Variants in SACS observed in about 807,000 individuals in gnomAD.
The protein encoded by SACS is sacsin.
SACS carries 197 observed loss-of-function variants against 348.0 expected under a neutral mutation model. The ratio of observed to expected loss-of-function variants is 0.57; its 90% confidence interval spans 0.50 to 0.64. The LOEUF (loss-of-function observed/expected upper bound fraction) is 0.64. Among genes scored for constraint, SACS ranks in the 30% least tolerant of loss-of-function variants. The pLI, the probability that SACS is intolerant of heterozygous loss-of-function variation, is 0.00. For missense variants in SACS, 4,999 were observed against 5,360.8 expected (o/e 0.93, Z 2.11); for synonymous variants, 1,985 against 1,910.6 (o/e 1.04, Z -1.02).
intron 2 of SACS, among the ~76,000 whole-genome samples, chr13:23,377,623 C>G (rs1871868413): frequency 6.6e-6 from 1 of 152,212 alleles, no homozygotes; most frequent in African/African-American, 2.4e-5. Context: ...CACATTCGCT[C>G]TCGGAGCTCT....
At chr13:23,362,249 CCT>C (rs912143607) in intron 6 of SACS, among the ~76,000 whole-genome samples, 7 of 152,260 alleles carry the variant, frequency 4.6e-5, no homozygotes, top group South Asian at 4.2e-4. Context: ...GCTTCCTTCC[CCT>C]GTGTCTTATA....
intron 2 of SACS, among the ~76,000 whole-genome samples, chr13:23,390,213 T>C (rs1872476456): frequency 6.6e-6 from 1 of 152,130 alleles, no homozygotes; most frequent in Admixed American, 6.6e-5. Context: ...CTGTTCTAAA[T>C]CACAACATAC....
chr13:23,360,820 A>C (rs2137756364), intron 6 of SACS, among the ~76,000 whole-genome samples: 1 of 144,290 alleles, frequency 6.9e-6, no homozygotes, highest in East Asian at 2.0e-4. Context: ...CAGTGATGCT[A>C]TCTCAGCTCA....
At chr13:23,382,046 C>T (rs1373774149) in intron 2 of SACS, among the ~76,000 whole-genome samples, 1 of 152,250 alleles carries the variant, frequency 6.6e-6, no homozygotes, top group Admixed American at 6.5e-5. Context: ...CGGCTGCACA[C>T]ATTTGCTGTT....
intron 1 of SACS, chr13:23,427,064 C>T (rs201125432): frequency 6.6e-6 from 1 of 152,186 alleles, no homozygotes; most frequent in East Asian, 1.9e-4. Flanking sequence ...TTGAGAATCG[C>T]ATAATCTCGC....
chr13:23,379,243 G>T (rs1008412416), intron 2 of SACS, among the ~76,000 whole-genome samples: 7 of 152,214 alleles, frequency 4.6e-5, no homozygotes, highest in African/African-American at 1.7e-4. Flanking sequence ...TTATTGTGAG[G>T]TGGCAGGAGG....
chr13:23,350,517 C>T (rs1378101426), intron 9 of SACS, among the ~76,000 whole-genome samples: 1 of 152,142 alleles, frequency 6.6e-6, no homozygotes. Context: ...AATAATGTGA[C>T]AAATTTTGTT....
At position 23,330,703 on chromosome 13, in the gene SACS, T is replaced by C. The variant is rs1353903905; in HGVS notation, c.13173A>G (p.Lys4391=). The change falls in exon 10 of 10, where the codon AAA becomes AAG. Residue 4391 remains lysine, a synonymous_variant. Coordinates refer to ENST00000382292, the MANE Select transcript of SACS (RefSeq NM_014363.6). ...STSASRFQSD[K]YSFQRFYTSW... ...AAGTATAGAATCTCTGAAATGAGTA[T>C]TTGTCTGACTGAAATCGGGATGCTG... 1.2e-6 allele frequency: 2 copies of C among 1,614,124 alleles called. No individual in the cohort carries two copies. Among genetic ancestry groups the C allele is most frequent in the South Asian group, 2.2e-5 (2 of 91,062 alleles).
intron 2 of SACS, among the ~76,000 whole-genome samples, chr13:23,393,280 A>G (rs1872597169): frequency 6.6e-6 from 1 of 152,236 alleles, no homozygotes; most frequent in Non-Finnish European, 1.5e-5. Flanking sequence ...GTTTGGAGCC[A>G]TGGAGATATG....
rs2137595708 is a variant in SACS, at chr13:23,335,886, C to T, written c.7990G>A (p.Gly2664Arg). 6 of 1,613,694 alleles carry T rather than the reference C, an allele frequency of 3.7e-6. No individual in the cohort carries two copies. The highest frequency in any genetic ancestry group is 1.7e-6 in the Non-Finnish European group (2 of 1,179,772). The change falls in exon 10 of 10, where the codon GGA (glycine) becomes AGA (arginine). Residue 2664 changes from glycine (G) to arginine (R), a missense_variant. Gly to Arg is a moderately radical substitution (Grantham distance 125). Transcript: ENST00000382292. The surrounding 1 kb of genome is among the most constrained non-coding windows in gnomAD (Gnocchi z 4.7). ...GCATCCAAATCTCTAAACATGCGTC[C>T]GGGACTAATGGATGTGGCCCCTGGT... ...YAPGATSISP[G>R]RMFRDLDADF...
chr13:23,396,257 G>C (rs1019994553), intron 2 of SACS, among the ~76,000 whole-genome samples: 7 of 151,110 alleles, frequency 4.6e-5, no homozygotes, highest in Admixed American at 4.0e-4. Context: ...CCAGGAGGCA[G>C]AGGTTGCAGT....
At chr13:23,398,670 T>G (rs1259913440) in intron 2 of SACS, among the ~76,000 whole-genome samples, 1 of 152,138 alleles carries the variant, frequency 6.6e-6, no homozygotes, top group Non-Finnish European at 1.5e-5. Context: ...TATTATTATT[T>G]GAGGACAATT....
intron 1 of SACS, among the ~76,000 whole-genome samples, chr13:23,423,638 G>A (rs1014526256): frequency 2.0e-5 from 3 of 152,146 alleles, no homozygotes; most frequent in African/African-American, 4.8e-5. Context: ...TTTGTGATGT[G>A]CTTTATTATA....
In SACS at chr13:23,332,863, T is replaced by C; in HGVS notation, c.11013A>G (p.Gln3671=). 1 of 1,613,874 alleles carries C rather than the reference T, an allele frequency of 6.2e-7. No individual in the cohort carries two copies. The highest frequency in any genetic ancestry group is 8.5e-7 in the Non-Finnish European group (1 of 1,179,928). Residue 3671 remains glutamine (Q), a synonymous_variant, in exon 10 of 10, where the codon CAA becomes CAG. Coordinates refer to ENST00000382292, the MANE Select transcript of SACS (RefSeq NM_014363.6). ...TAAGAGGAAGTGTTCCATTTACCTC[T>C]TGATATTGAGGATGAAATCTAATGA... ...AEFIRFHPQY[Q]EVNGTLPLIK...
At chr13:23,370,154 G>A (rs927235725) in intron 4 of SACS, among the ~76,000 whole-genome samples, 4 of 152,092 alleles carry the variant, frequency 2.6e-5, no homozygotes, top group East Asian at 1.9e-4. Flanking sequence ...CACCACACCC[G>A]GCCCCCACTC....
At chr13:23,350,211 G>T (rs570143171) in intron 9 of SACS, among the ~76,000 whole-genome samples, 1 of 152,122 alleles carries the variant, frequency 6.6e-6, no homozygotes, top group East Asian at 1.9e-4. Context: ...AACTAGTGAC[G>T]TCAGCCAGAC....
intron 2 of SACS, among the ~76,000 whole-genome samples, chr13:23,377,383 A>G (rs924486793): frequency 2.0e-5 from 3 of 152,168 alleles, no homozygotes; most frequent in Non-Finnish European, 4.4e-5. Flanking sequence ...GAAAACATGG[A>G]ATGAAAAACC....
chr13:23,403,261 A>G (rs1203560067), intron 2 of SACS, among the ~76,000 whole-genome samples: 1 of 152,072 alleles, frequency 6.6e-6, no homozygotes, highest in African/African-American at 2.4e-5. Context: ...TGGTATCAGG[A>G]TGATGCTGGC....
At chr13:23,358,797 AT>A (rs1870552919) in intron 6 of SACS, among the ~76,000 whole-genome samples, 1 of 152,234 alleles carries the variant, frequency 6.6e-6, no homozygotes, top group African/African-American at 2.4e-5. Flanking sequence ...TTTGTTCTAA[AT>A]AGTATATTTA....
Sources: allele counts gnomAD v4.1 joint callset (sites outside exome capture counted in the v4.1 genomes callset), GRCh38; gene constraint gnomAD v4.1.1; non-coding constraint Gnocchi (gnomAD v3.1); transcripts MANE v1.5; gene names NCBI Gene and HGNC (gene_info 2026-07-23, HGNC 2026-07-21).